The following TFEC variants were observed in gnomAD, a reference collection of about 807,000 sequenced individuals.
The protein encoded by TFEC is class E basic helix-loop-helix protein 34.
TFEC carries 31 observed loss-of-function variants against 41.6 expected under a neutral mutation model. The ratio of observed to expected loss-of-function variants is 0.74; its 90% confidence interval spans 0.56 to 1.01. The LOEUF is 1.01. Ranked by LOEUF, TFEC falls within the 50% of genes least tolerant of loss-of-function variation. The pLI is 0.00. For missense variants in TFEC, 402 were observed against 404.1 expected, an observed-to-expected ratio of 0.99 and a Z score of 0.04; for synonymous variants, 143 against 140.6, an observed-to-expected ratio of 1.02 and a Z score of -0.12.
At chr7:116,057,869 A>G (rs1796465860) in intron 3 of TFEC, among the ~76,000 whole-genome samples, 1 of 151,822 alleles carries the variant, frequency 6.6e-6, no homozygotes. Context: ...TGAGATAGCT[A>G]AACAAGGAAT....
At chr7:116,027,186 G>A (rs550252459) in intron 1 of TFEC, among the ~76,000 whole-genome samples, 4 of 152,240 alleles carry the variant, frequency 2.6e-5, no homozygotes, top group Middle Eastern at 3.4e-3. Context: ...TCAATAATAC[G>A]GTAGGTACTG....
intron 3 of TFEC, among the ~76,000 whole-genome samples, chr7:116,057,729 T>C (rs1796462313): frequency 6.6e-6 from 1 of 151,586 alleles, no homozygotes; most frequent in South Asian, 2.1e-4. Context: ...AAAAGTAAGA[T>C]TAACGAAAAA....
chr7:116,139,064 C>T (rs1168442617), intron 1 of TFEC, among the ~76,000 whole-genome samples: 2 of 152,024 alleles, frequency 1.3e-5, no homozygotes, highest in Non-Finnish European at 2.9e-5. Context: ...CTGGGGTTGC[C>T]GTGGCAGATT....
At chr7:115,981,806 A>C (rs1195838616) in intron 2 of TFEC, among the ~76,000 whole-genome samples, 1 of 151,762 alleles carries the variant, frequency 6.6e-6, no homozygotes, top group African/African-American at 2.4e-5. Flanking sequence ...TTATCCAGAC[A>C]AACGGTCATG....
At chr7:116,107,633 T>G (rs903749155) in intron 3 of TFEC, among the ~76,000 whole-genome samples, 2 of 152,146 alleles carry the variant, frequency 1.3e-5, no homozygotes, top group Non-Finnish European at 2.9e-5. Flanking sequence ...TTCCTGGAAA[T>G]AGCAGCCAAC....
chr7:116,134,460 T>C (rs1010425294), intron 1 of TFEC, among the ~76,000 whole-genome samples: 1 of 152,172 alleles, frequency 6.6e-6, no homozygotes, highest in Non-Finnish European at 1.5e-5. Context: ...AACATTACTA[T>C]GCACAGAAAT....
intron 4 of TFEC, among the ~76,000 whole-genome samples, chr7:115,954,889 G>A (rs1263283106): frequency 6.6e-6 from 1 of 152,012 alleles, no homozygotes; most frequent in Non-Finnish European, 1.5e-5. Flanking sequence ...TAATAGCCAT[G>A]TGATCTATTG....
intron 3 of TFEC, among the ~76,000 whole-genome samples, chr7:115,965,656 T>C (rs563171538): frequency 1.3e-5 from 2 of 151,802 alleles, no homozygotes; most frequent in East Asian, 3.9e-4. Flanking sequence ...TTCATAACCC[T>C]AGAAAAATAT....
At chr7:116,140,913 C>A (rs765917497) in intron 1 of TFEC, among the ~76,000 whole-genome samples, 5 of 152,166 alleles carry the variant, frequency 3.3e-5, no homozygotes, top group Admixed American at 6.6e-5. Flanking sequence ...ATCTAGCAAT[C>A]TTTCTGGGCT....
chr7:116,044,232 T>C (rs546572471), intron 3 of TFEC, among the ~76,000 whole-genome samples: 9 of 152,276 alleles, frequency 5.9e-5, no homozygotes, highest in African/African-American at 1.7e-4. Context: ...AATTCTCCTA[T>C]GCATATCCTT....
chr7:115,983,847 T>C (rs1793733546), intron 2 of TFEC, among the ~76,000 whole-genome samples: 1 of 152,120 alleles, frequency 6.6e-6, no homozygotes, highest in Non-Finnish European at 1.5e-5. Flanking sequence ...TTATTAGTCT[T>C]ATTCTAATAG....
chr7:116,139,647 A>T (rs1015940262), intron 1 of TFEC, among the ~76,000 whole-genome samples: 4 of 152,234 alleles, frequency 2.6e-5, no homozygotes, highest in Non-Finnish European at 5.9e-5. Context: ...ATTCTGTGAT[A>T]AACTAAGGGA....
chr7:116,025,910 C>T (rs921063602), intron 1 of TFEC, among the ~76,000 whole-genome samples: 2 of 152,182 alleles, frequency 1.3e-5, no homozygotes, highest in African/African-American at 4.8e-5. Flanking sequence ...CCATAGTCAC[C>T]ACATACAGTC....
chr7:116,004,661 A>G (rs1372222257), intron 1 of TFEC, among the ~76,000 whole-genome samples: 1 of 152,222 alleles, frequency 6.6e-6, no homozygotes, highest in Non-Finnish European at 1.5e-5. Flanking sequence ...CCATTAACCA[A>G]AGAACCAGGG....
intron 3 of TFEC, among the ~76,000 whole-genome samples, chr7:116,104,597 T>C (rs919510814): frequency 2.6e-5 from 4 of 152,156 alleles, no homozygotes; most frequent in African/African-American, 9.6e-5. Flanking sequence ...TTGAAAAACA[T>C]TTTTACAGAC....
intron 3 of TFEC, among the ~76,000 whole-genome samples, chr7:116,099,433 T>C (rs1166448139): frequency 6.6e-6 from 1 of 152,156 alleles, no homozygotes; most frequent in Non-Finnish European, 1.5e-5. Flanking sequence ...CATTATGCAG[T>C]CTTCTCCCAC....
At chr7:116,098,547 A>G (rs1410461752) in intron 3 of TFEC, among the ~76,000 whole-genome samples, 2 of 152,170 alleles carry the variant, frequency 1.3e-5, no homozygotes, top group Non-Finnish European at 2.9e-5. Flanking sequence ...TGCACCAAAC[A>G]ACAGTTCATC....
At chr7:116,036,808 T>C (rs1206059873) in intron 3 of TFEC, among the ~76,000 whole-genome samples, 1 of 152,024 alleles carries the variant, frequency 6.6e-6, no homozygotes, top group African/African-American at 2.4e-5. Flanking sequence ...CAAAAACTGG[T>C]ATCAGGAATA....
chr7:116,104,633 A>T (rs547487814), intron 3 of TFEC, among the ~76,000 whole-genome samples: 21 of 152,196 alleles, frequency 1.4e-4, no homozygotes, highest in African/African-American at 5.1e-4. Context: ...TTACTTTTTC[A>T]GCTTTGCAGT....
Sources: gnomAD v4.1 joint callset for allele counts (sites outside exome capture counted in the v4.1 genomes callset) on GRCh38, gnomAD v4.1.1 for gene constraint, MANE v1.5 for transcripts, NCBI Gene and HGNC (gene_info 2026-07-23, HGNC 2026-07-21) for gene names.